Variants in ENOX1 observed in about 807,000 individuals in gnomAD.
The protein encoded by ENOX1 is ecto-NOX disulfide-thiol exchanger 1.
In ENOX1, 42 loss-of-function variants were observed where a neutral mutation model predicts 82.5. That is an observed-to-expected ratio of 0.51 (90% CI 0.40 to 0.66). ENOX1 has a LOEUF of 0.66. Ranked by LOEUF, ENOX1 falls within the 30% of genes least tolerant of loss-of-function variation. The pLI, the probability that ENOX1 is intolerant of heterozygous loss-of-function variation, is 0.00. For synonymous variants in ENOX1, 271 were observed against 282.2 expected (o/e 0.96, Z 0.40); for missense variants, 608 against 811.6 (o/e 0.75, Z 3.05).
At chr13:43,290,531 T>C (rs895513918) in intron 12 of ENOX1, among the ~76,000 whole-genome samples, 17 of 152,164 alleles carry the variant, frequency 1.1e-4, no homozygotes, top group African/African-American at 4.1e-4. Context: ...TTCTCAATTA[T>C]AAGTGGGAGC....
chr13:43,580,182 A>G (rs1451219702), intron 2 of ENOX1, among the ~76,000 whole-genome samples: 2 of 152,212 alleles, frequency 1.3e-5, no homozygotes, highest in Admixed American at 6.5e-5. Flanking sequence ...AAAAATTCCA[A>G]AACACCTGCT....
intron 1 of ENOX1, among the ~76,000 whole-genome samples, chr13:43,670,675 GA>G (rs1298246932): frequency 1.3e-5 from 2 of 152,008 alleles, no homozygotes; most frequent in South Asian, 2.1e-4. Flanking sequence ...CCAACATGAT[GA>G]AACCCCACTT....
intron 2 of ENOX1, among the ~76,000 whole-genome samples, chr13:43,652,901 G>A (rs1411954163): frequency 6.6e-6 from 1 of 152,232 alleles, no homozygotes; most frequent in Admixed American, 6.5e-5. Context: ...AAGCTGCCTG[G>A]GAGATGCATG....
intron 14 of ENOX1, among the ~76,000 whole-genome samples, chr13:43,254,219 T>C (rs2043620482): frequency 6.6e-6 from 1 of 152,230 alleles, no homozygotes; most frequent in Admixed American, 6.5e-5. Context: ...GCATAGGCTC[T>C]AGAATCCCTA....
intron 3 of ENOX1, among the ~76,000 whole-genome samples, chr13:43,437,042 C>T (rs904571250): frequency 4.6e-5 from 7 of 152,144 alleles, no homozygotes; most frequent in Admixed American, 4.6e-4. Flanking sequence ...CTGAAGAGGC[C>T]TAAATACAGG....
intron 2 of ENOX1, among the ~76,000 whole-genome samples, chr13:43,506,609 G>A (rs1256811507): frequency 1.5e-5 from 2 of 135,382 alleles, no homozygotes; most frequent in Non-Finnish European, 3.4e-5. Flanking sequence ...ACGATAGACT[G>A]GATTAAGAAA....
At chr13:43,357,269 C>T (rs549441339) in intron 7 of ENOX1, among the ~76,000 whole-genome samples, 20 of 152,168 alleles carry the variant, frequency 1.3e-4, no homozygotes, top group Admixed American at 6.5e-5. Flanking sequence ...TTCAAGATCT[C>T]ATGGTAGATT....
chr13:43,724,817 T>C (rs1429928602), intron 1 of ENOX1, among the ~76,000 whole-genome samples: 1 of 152,226 alleles, frequency 6.6e-6, no homozygotes, highest in Non-Finnish European at 1.5e-5. Flanking sequence ...TTTCTCCAGT[T>C]CTCTCTCACA....
chr13:43,733,361 T>C (rs2089446688), intron 1 of ENOX1, among the ~76,000 whole-genome samples: 1 of 152,196 alleles, frequency 6.6e-6, no homozygotes, highest in South Asian at 2.1e-4. Context: ...AACTGTGCTA[T>C]TGAAAAACAC....
chr13:43,304,556 T>G (rs565533454), intron 11 of ENOX1, among the ~76,000 whole-genome samples: 1 of 152,306 alleles, frequency 6.6e-6, no homozygotes, highest in African/African-American at 2.4e-5. Flanking sequence ...TGGCTCTATC[T>G]GGGGAGTGTT....
chr13:43,455,627 G>A (rs765310932), intron 3 of ENOX1, among the ~76,000 whole-genome samples: 9 of 151,870 alleles, frequency 5.9e-5, no homozygotes, highest in Admixed American at 2.0e-4. Flanking sequence ...CTCACCCCAC[G>A]TCCGTCTGAT....
At chr13:43,572,525 C>T (rs1254937648) in intron 2 of ENOX1, among the ~76,000 whole-genome samples, 1 of 152,194 alleles carries the variant, frequency 6.6e-6, no homozygotes, top group Non-Finnish European at 1.5e-5. Context: ...GTCTTCAACA[C>T]TAATGGATTT....
At chr13:43,756,972 CAAAAAA>C (rs1164153402) in intron 1 of ENOX1, among the ~76,000 whole-genome samples, 4 of 28,066 alleles carry the variant, frequency 1.4e-4, no homozygotes, top group Non-Finnish European at 2.5e-4. Context: ...AAAACAACAA[CAAAAAA>C]AAAAAAAAAA....
intron 9 of ENOX1, among the ~76,000 whole-genome samples, chr13:43,343,524 T>G (rs1261202873): frequency 6.6e-6 from 1 of 152,246 alleles, no homozygotes; most frequent in East Asian, 1.9e-4. Flanking sequence ...AAAACCTGTC[T>G]TTGATAAAGT....
chr13:43,356,056 T>G lies in ENOX1; in HGVS notation c.686A>C (p.Glu229Ala), dbSNP rs1247020741. Residue 229 changes from glutamate (E) to alanine (A), a missense_variant, in exon 8 of 17, where the codon GAA becomes GCA. By Grantham distance (107) the Glu-to-Ala change is moderately radical (BLOSUM62 -1). Coordinates refer to ENST00000690772, the MANE Select transcript of ENOX1 (RefSeq NM_001347969.2). The part of the protein sequence containing the change: ...AQARDDFYEW[E>A]CKQRMRAREE... ...CCGGGCACGCATCCTCTGCTTGCATTCCCACTCATAGAAGTCATCCCTGGC... is the reference window on the plus strand; with the variant it reads ...CCGGGCACGCATCCTCTGCTTGCATGCCCACTCATAGAAGTCATCCCTGGC... The G allele has an allele frequency of 6.2e-7, 1 of 1,614,184 alleles. No homozygotes were observed.
chr13:43,659,759 T>A (rs1243704075), intron 2 of ENOX1, among the ~76,000 whole-genome samples: 1 of 152,106 alleles, frequency 6.6e-6, no homozygotes, highest in Non-Finnish European at 1.5e-5. Context: ...TGAGTTCTAT[T>A]TTTAGGTTAG....
chr13:43,389,361 A>G (rs186583074), intron 5 of ENOX1, among the ~76,000 whole-genome samples: 116 of 152,370 alleles, frequency 7.6e-4, no homozygotes, highest in African/African-American at 2.6e-3. Context: ...GATATCATTC[A>G]CCCATGGAGT....
chr13:43,411,824 C>T, intron 5 of ENOX1, 92 bp downstream of exon 5: 1 of 1,513,026 alleles, frequency 6.6e-7, no homozygotes, highest in Non-Finnish European at 9.0e-7. Context: ...AGACTGTGTC[C>T]AACACTCGCG....
chr13:43,595,454 C>T (rs1327963042), intron 2 of ENOX1, among the ~76,000 whole-genome samples: 1 of 152,048 alleles, frequency 6.6e-6, no homozygotes, highest in Non-Finnish European at 1.5e-5. Flanking sequence ...GGTACATGTG[C>T]ACAACGTGCA....
Sources: gnomAD v4.1 joint callset for allele counts (sites outside exome capture counted in the v4.1 genomes callset) on GRCh38, gnomAD v4.1.1 for gene constraint, MANE v1.5 for transcripts, NCBI Gene and HGNC (gene_info 2026-07-23, HGNC 2026-07-21) for gene names.